Variants in TYW1 observed in about 807,000 individuals in gnomAD.
TYW1 encodes the protein tRNA-yW synthesizing protein 1 homolog.
Under a neutral mutation model 96.2 loss-of-function variants are expected in TYW1, and 46 were observed. The ratio of observed to expected loss-of-function variants is 0.48; its 90% CI spans 0.38 to 0.61. The LOEUF (loss-of-function observed/expected upper bound fraction) is 0.61, where lower values mean the gene tolerates loss of function less well. Ranked by LOEUF, TYW1 falls within the 20% of genes least tolerant of loss-of-function variation. The pLI is 0.00. For synonymous variants in TYW1, 274 were observed against 323.0 expected (o/e 0.85, Z 1.63); for missense variants, 684 against 909.6 (o/e 0.75, Z 3.19).
Position 67,183,200 on chromosome 7 carries a change from C to G in TYW1, c.1773C>G (p.Leu591=), listed in dbSNP as rs775665185. ...NVDELQAYAQ[L]VSLGNPDFIE... ...ACGAGCTCCAGGCCTACGCGCAGCTCGTGTCCCTGGGGAATCCTGACTTCA... is the reference window on the plus strand; with the variant it reads ...ACGAGCTCCAGGCCTACGCGCAGCTGGTGTCCCTGGGGAATCCTGACTTCA... The change falls in exon 14 of 16, where the codon CTC becomes CTG. Residue 591 remains leucine, a synonymous_variant. Transcript: ENST00000359626. The G allele has an allele frequency of 2.6e-5, 42 of 1,610,026 alleles. 1 individual carries two copies. Among genetic ancestry groups the G allele is most frequent in the Middle Eastern group, 3.3e-4 (2 of 6,048 alleles).
chr7:67,018,541 A>C lies in TYW1; in HGVS notation c.861+398A>C, dbSNP rs535092935. ...GGGCAACAGAGTGAGACCCTGCCCC[A>C]AAAACAAAGACAGAAACAATAACAA... is the stretch of plus-strand genomic sequence containing the variant. On this transcript the variant is annotated intron_variant, in intron 6 of 15. Transcript: ENST00000359626. Among the ~76,000 whole-genome samples, 10 of 152,070 alleles carry C rather than the reference A, an allele frequency of 6.6e-5. No individual in the cohort carries two copies. The South Asian group carries it at 2.1e-3, about 32-fold the overall frequency.
chr7:67,206,530 C>T (rs1270294508), intron 15 of TYW1, among the ~76,000 whole-genome samples: 1 of 151,682 alleles, frequency 6.6e-6, no homozygotes, highest in African/African-American at 2.4e-5. Context: ...ACTTGGGAGG[C>T]GGAGGCAGAA....
chr7:67,014,522 T>C lies in TYW1; in HGVS notation c.531T>C (p.Phe177=). Residue 177 remains phenylalanine (F), a synonymous_variant, in exon 5 of 16, where the codon TTT becomes TTC. Transcript: ENST00000359626. ...TGAAGGGTATGAGATATGCGGTATTTGGCCTGGGAAATTCTGCCTATGCTA... is the reference window on the plus strand; with the variant it reads ...TGAAGGGTATGAGATATGCGGTATTCGGCCTGGGAAATTCTGCCTATGCTA... ...TYLKGMRYAV[F]GLGNSAYASH... 6.2e-7 allele frequency: 1 copy of C among 1,613,638 alleles called. No homozygotes were observed.
chr7:67,159,517 A>T (rs1241510470), intron 13 of TYW1, among the ~76,000 whole-genome samples: 1 of 152,122 alleles, frequency 6.6e-6, no homozygotes, highest in Non-Finnish European at 1.5e-5. Flanking sequence ...ACAGTATACT[A>T]TATCACTAAG....
At chr7:67,237,225 G>T (rs1282135249) in intron 15 of TYW1, among the ~76,000 whole-genome samples, 2 of 143,646 alleles carry the variant, frequency 1.4e-5, no homozygotes, top group Non-Finnish European at 3.1e-5. Context: ...CATGGGCCGG[G>T]CGTGGTGGCT....
chr7:67,178,592 A>G (rs1489753894), intron 13 of TYW1, among the ~76,000 whole-genome samples: 3 of 152,192 alleles, frequency 2.0e-5, no homozygotes, highest in Non-Finnish European at 2.9e-5. Flanking sequence ...ATGCAACCCA[A>G]TACTGGATAA....
At chr7:67,181,408 G>A (rs1976882) in intron 13 of TYW1, among the ~76,000 whole-genome samples, 57,323 of 151,698 alleles carry the variant, frequency 0.38, 11,462 homozygotes, top group African/African-American at 0.51. Context: ...ACTGCATTTT[G>A]GAAGGAACTT....
At chr7:67,202,363 AT>A (rs1396026615) in intron 15 of TYW1, among the ~76,000 whole-genome samples, 2 of 151,912 alleles carry the variant, frequency 1.3e-5, no homozygotes, top group Non-Finnish European at 2.9e-5. Flanking sequence ...CCTGTTTATC[AT>A]TCTCAGCTTT....
chr7:67,022,575 A>G (rs62466613), intron 6 of TYW1, among the ~76,000 whole-genome samples: 6,100 of 152,290 alleles, frequency 0.04, 185 homozygotes, highest in Middle Eastern at 0.11. Context: ...GTATTGTTAT[A>G]TATTTAGACA....
intron 7 of TYW1, among the ~76,000 whole-genome samples, chr7:67,043,706 A>C (rs1795098752): frequency 1.3e-5 from 2 of 152,140 alleles, no homozygotes; most frequent in Admixed American, 1.3e-4. Flanking sequence ...ATCTTGACTC[A>C]CCATGGTCTC....
At chr7:67,041,123 T>A (rs963023204) in intron 7 of TYW1, among the ~76,000 whole-genome samples, 12 of 152,202 alleles carry the variant, frequency 7.9e-5, no homozygotes, top group African/African-American at 2.9e-4. Context: ...TACGTGTTTT[T>A]TCCCAATTTT....
At chr7:67,190,377 A>G (rs192273635) in intron 14 of TYW1, among the ~76,000 whole-genome samples, 127 of 152,338 alleles carry the variant, frequency 8.3e-4, no homozygotes, top group Non-Finnish European at 1.3e-3. Flanking sequence ...TTCATTTAGC[A>G]TAGATTGATT....
At chr7:67,164,453 C>CA (rs67371707) in intron 13 of TYW1, among the ~76,000 whole-genome samples, 42,380 of 151,002 alleles carry the variant, frequency 0.28, 6,448 homozygotes, top group African/African-American at 0.4. Flanking sequence ...CTAAAAAATA[C>CA]AAAAAAAATT....
At chr7:67,182,261 A>G (rs1168163839) in intron 13 of TYW1, among the ~76,000 whole-genome samples, 5 of 152,286 alleles carry the variant, frequency 3.3e-5, no homozygotes, top group African/African-American at 9.6e-5. Context: ...CCTAGTGTCT[A>G]ATTACATTTT....
intron 13 of TYW1, among the ~76,000 whole-genome samples, chr7:67,154,668 G>A (rs894634078): frequency 5.3e-5 from 8 of 152,020 alleles, no homozygotes; most frequent in Admixed American, 1.3e-4. Flanking sequence ...GACCTTTTTG[G>A]ATTGAATATA....
At chr7:67,141,820 G>A (rs1270405839) in intron 13 of TYW1, among the ~76,000 whole-genome samples, 1 of 152,224 alleles carries the variant, frequency 6.6e-6, no homozygotes, top group South Asian at 2.1e-4. Context: ...TGGATCACTT[G>A]AGTTCAAGAG....
chr7:67,091,214 C>A (rs1272411969), intron 11 of TYW1, among the ~76,000 whole-genome samples: 1 of 151,368 alleles, frequency 6.6e-6, no homozygotes, highest in East Asian at 1.9e-4. Flanking sequence ...CACATATACA[C>A]CATGGAATAC....
intron 12 of TYW1, among the ~76,000 whole-genome samples, chr7:67,111,079 T>G (rs1357977352): frequency 1.3e-5 from 2 of 152,146 alleles, no homozygotes; most frequent in East Asian, 3.9e-4. Flanking sequence ...GAATGTGGCC[T>G]ATACACATGA....
intron 15 of TYW1, among the ~76,000 whole-genome samples, chr7:67,229,668 C>A (rs552376088): frequency 1.3e-5 from 2 of 151,118 alleles, no homozygotes; most frequent in South Asian, 4.2e-4. Flanking sequence ...AAAAACAATG[C>A]TCTGGCCAGG....
Sources: allele counts gnomAD v4.1 joint callset (sites outside exome capture counted in the v4.1 genomes callset), GRCh38; gene constraint gnomAD v4.1.1; transcripts MANE v1.5; gene names NCBI Gene and HGNC (gene_info 2026-07-23, HGNC 2026-07-21).